The following SHB variants were observed in gnomAD, a reference collection of about 807,000 sequenced individuals.
SHB encodes the protein SH2 domain-containing adapter protein B.
In SHB, 20 loss-of-function variants were observed where a neutral mutation model predicts 52.3. That is an observed-to-expected ratio of 0.38 (90% CI 0.27 to 0.56). SHB has a LOEUF of 0.56. Among genes scored for constraint, SHB ranks in the 20% least tolerant of loss-of-function variants. SHB has a pLI of 0.71. For missense variants in SHB, 825 were observed against 723.3 expected, an observed-to-expected ratio of 1.14 and a Z score of -1.61; for synonymous variants, 397 against 316.5, an observed-to-expected ratio of 1.25 and a Z score of -2.70.
chr9:37,948,787 G>A (rs763926927), intron 4 of SHB, 33 bp from the exon 5 acceptor site: 3 of 1,611,878 alleles, frequency 1.9e-6, no homozygotes, highest in Non-Finnish European at 2.5e-6. Flanking sequence ...TCAGAGCCCA[G>A]CGCGATGGGA....
intron 2 of SHB, among the ~76,000 whole-genome samples, chr9:37,977,845 A>T (rs566526258): frequency 2.1e-4 from 32 of 152,176 alleles, no homozygotes; most frequent in Non-Finnish European, 3.7e-4. Flanking sequence ...CTCCTTCACA[A>T]AAGCAGGACC....
chr9:37,975,746 T>C (rs1318582269), intron 2 of SHB, among the ~76,000 whole-genome samples: 1 of 152,224 alleles, frequency 6.6e-6, no homozygotes, highest in Non-Finnish European at 1.5e-5. Context: ...AGGTTTACCA[T>C]GGAGGTTGGT....
rs1054106488 is a variant in SHB at position 37,949,815 on chromosome 9, T to C, written c.1227-1061A>G. Among the ~76,000 whole-genome samples, 3 of 152,350 alleles carry C rather than the reference T, an allele frequency of 2.0e-5. No individual in the cohort carries two copies. The East Asian group carries it at 5.8e-4, about 29-fold the overall frequency. ...CTTGGGCATGTGGGAATCCCAGCATTACTGCTCCCAGATGCCATGCATGCC... is the reference window on the plus strand; with the variant it reads ...CTTGGGCATGTGGGAATCCCAGCATCACTGCTCCCAGATGCCATGCATGCC... On this transcript the variant is annotated intron_variant, in intron 4 of 5. Transcript: ENST00000377707.
intron 1 of SHB, among the ~76,000 whole-genome samples, chr9:38,050,468 C>T (rs1354750730): frequency 2.6e-5 from 4 of 152,170 alleles, no homozygotes; most frequent in African/African-American, 9.7e-5. Flanking sequence ...GCCAGGCCTC[C>T]TTCTGCAAGG....
intron 2 of SHB, among the ~76,000 whole-genome samples, chr9:37,982,175 T>C (rs940153724): frequency 6.6e-6 from 1 of 152,046 alleles, no homozygotes; most frequent in Non-Finnish European, 1.5e-5. Flanking sequence ...CATTTTATTA[T>C]GGAGAGTCTC....
rs559303710 is a variant in SHB, at chr9:37,984,530, T to C, written c.839-9693A>G. 7.9e-5 allele frequency among the ~76,000 whole-genome samples: 12 copies of C among 152,290 alleles called. No individual in the cohort carries two copies. In the South Asian group the frequency reaches 2.5e-3, roughly 32 times the overall value. ...CACAGGGACTAGGCCCCAGGCTCCTTAACTCCTGGACCAGGGCTCTCCTGG... is the reference window on the plus strand; with the variant it reads ...CACAGGGACTAGGCCCCAGGCTCCTCAACTCCTGGACCAGGGCTCTCCTGG... On this transcript the variant is annotated intron_variant, in intron 2 of 5. Coordinates refer to ENST00000377707, the MANE Select transcript of SHB (RefSeq NM_003028.3).
chr9:37,923,652 AC>A (rs1256581433), intron 5 of SHB, among the ~76,000 whole-genome samples: 1 of 152,230 alleles, frequency 6.6e-6, no homozygotes, highest in Non-Finnish European at 1.5e-5. Context: ...CCACCTTCAC[AC>A]AAAAGGAGAC....
chr9:37,946,738 G>A (rs1279176424), intron 5 of SHB, among the ~76,000 whole-genome samples: 1 of 152,180 alleles, frequency 6.6e-6, no homozygotes, highest in Non-Finnish European at 1.5e-5. Context: ...CTTTCGTGGA[G>A]GCCCCTCCAG....
At chr9:38,048,592 C>T (rs930228765) in intron 1 of SHB, among the ~76,000 whole-genome samples, 4 of 152,196 alleles carry the variant, frequency 2.6e-5, no homozygotes, top group African/African-American at 9.7e-5. Flanking sequence ...TATGATGGCA[C>T]TGTTGCACTC....
At chr9:37,965,392 A>C (rs955913652) in intron 3 of SHB, among the ~76,000 whole-genome samples, 3 of 152,184 alleles carry the variant, frequency 2.0e-5, no homozygotes, top group Non-Finnish European at 4.4e-5. Context: ...CAGCCACAGC[A>C]GTCAATGGCT....
intron 5 of SHB, among the ~76,000 whole-genome samples, chr9:37,944,895 C>A (rs1450741080): frequency 6.7e-6 from 1 of 149,238 alleles, no homozygotes; most frequent in African/African-American, 2.5e-5. Context: ...CATGCCAGCT[C>A]TGGGCTCCCA....
intron 5 of SHB, among the ~76,000 whole-genome samples, chr9:37,927,081 T>C (rs1456145896): frequency 6.6e-6 from 1 of 152,214 alleles, no homozygotes; most frequent in East Asian, 1.9e-4. Context: ...GAGAAGCAAC[T>C]TGCCCAGTCA....
At chr9:37,933,294 A>G (rs1293973370) in intron 5 of SHB, among the ~76,000 whole-genome samples, 3 of 152,238 alleles carry the variant, frequency 2.0e-5, no homozygotes, top group African/African-American at 7.2e-5. Flanking sequence ...AAGCTAAGTA[A>G]AGAGCTCAGA....
At chr9:37,952,462 C>T (rs1403804903) in intron 4 of SHB, among the ~76,000 whole-genome samples, 3 of 152,142 alleles carry the variant, frequency 2.0e-5, no homozygotes, top group Non-Finnish European at 4.4e-5. Context: ...GGAGGTAGGC[C>T]CAGTTCTTGT....
At chr9:37,983,778 C>T (rs781272674) in intron 2 of SHB, among the ~76,000 whole-genome samples, 6 of 152,224 alleles carry the variant, frequency 3.9e-5, no homozygotes, top group East Asian at 3.9e-4. Context: ...GTGCCCGAGA[C>T]GCCAGGGTTG....
At chr9:38,059,313 G>A (rs1332354903) in intron 1 of SHB, among the ~76,000 whole-genome samples, 4 of 136,610 alleles carry the variant, frequency 2.9e-5, no homozygotes, top group South Asian at 2.3e-4. Context: ...GGAGTATTAC[G>A]TGTTGCTTGG....
intron 2 of SHB, among the ~76,000 whole-genome samples, chr9:38,008,656 C>T (rs1336451017): frequency 6.6e-6 from 1 of 152,204 alleles, no homozygotes; most frequent in Non-Finnish European, 1.5e-5. Context: ...CTCTGGGCCT[C>T]GGGCAGGAAG....
chr9:37,935,612 C>T (rs1832360321), intron 5 of SHB, among the ~76,000 whole-genome samples: 2 of 152,146 alleles, frequency 1.3e-5, no homozygotes, highest in African/African-American at 2.4e-5. Flanking sequence ...TCCTGGACCA[C>T]GATTGCATTT....
At chr9:37,990,380 T>C (rs1004413901) in intron 2 of SHB, among the ~76,000 whole-genome samples, 3 of 152,140 alleles carry the variant, frequency 2.0e-5, no homozygotes, top group African/African-American at 7.2e-5. Context: ...CCACCCCACC[T>C]CTGGGGGTCA....
Sources: allele counts gnomAD v4.1 joint callset (sites outside exome capture counted in the v4.1 genomes callset), GRCh38; gene constraint gnomAD v4.1.1; transcripts MANE v1.5; gene names NCBI Gene and HGNC (gene_info 2026-07-23, HGNC 2026-07-21).